Variants in MICU3 observed in about 807,000 individuals in gnomAD.
MICU3 encodes the protein calcium uptake protein 3, mitochondrial.
A neutral mutation model predicts 66.5 loss-of-function variants in MICU3; 62 were observed. The observed-to-expected ratio is 0.93, with a 90% CI of 0.76 to 1.15. The LOEUF (loss-of-function observed/expected upper bound fraction) is 1.15, where lower values mean the gene tolerates loss of function less well. Among genes scored for constraint, MICU3 ranks in the 50% most tolerant of loss-of-function variants. The pLI, the probability that MICU3 is intolerant of heterozygous loss-of-function variation, is 0.00. For missense variants in MICU3, 779 were observed against 664.4 expected, an observed-to-expected ratio of 1.17 and a Z score of -1.90; for synonymous variants, 308 against 240.7, an observed-to-expected ratio of 1.28 and a Z score of -2.59.
intron 1 of MICU3, among the ~76,000 whole-genome samples, chr8:17,046,395 A>T (rs188034787): frequency 6.6e-6 from 1 of 152,210 alleles, no homozygotes; most frequent in African/African-American, 2.4e-5. Context: ...GTCTGAGAGC[A>T]GAGGAAAAAC....
At chr8:17,134,031 C>A in the MICU3 span, 1 of 152,140 alleles carries the variant, frequency 6.6e-6, no homozygotes, top group East Asian at 1.9e-4. Context: ...CTGGCTTATC[C>A]TTTCAGATGA....
intron 6 of MICU3, among the ~76,000 whole-genome samples, chr8:17,086,545 G>A (rs1245981542): frequency 6.6e-6 from 1 of 152,038 alleles, no homozygotes; most frequent in African/African-American, 2.4e-5. Context: ...AATGGCCAAG[G>A]TTAGTGTTGC....
chr8:17,104,549 C>A (rs759387770), intron 10 of MICU3, 58 bp downstream of exon 10: 2 of 922,094 alleles, frequency 2.2e-6, no homozygotes, highest in Non-Finnish European at 3.1e-6. Flanking sequence ...TCAGAAGGAT[C>A]TTTAGAAATT....
At chr8:17,086,744 G>A (rs953522603) in intron 6 of MICU3, among the ~76,000 whole-genome samples, 1 of 151,992 alleles carries the variant, frequency 6.6e-6, no homozygotes, top group Non-Finnish European at 1.5e-5. Flanking sequence ...GTAAAACTGT[G>A]ACATTAAGTA....
At chr8:17,031,232 A>C (rs1811983335) in intron 1 of MICU3, among the ~76,000 whole-genome samples, 1 of 149,694 alleles carries the variant, frequency 6.7e-6, no homozygotes, top group South Asian at 2.1e-4. Context: ...AGAAAAAGAA[A>C]TTTTATTTTA....
At chr8:17,131,226 T>C in the MICU3 span, 5 of 152,248 alleles carry the variant, frequency 3.3e-5, no homozygotes, top group African/African-American at 1.2e-4. Context: ...GCAACCGTTA[T>C]GGCTAAGACT....
At chr8:17,089,642 C>G (rs1224691098) in intron 7 of MICU3, among the ~76,000 whole-genome samples, 1 of 152,026 alleles carries the variant, frequency 6.6e-6, no homozygotes, top group Non-Finnish European at 1.5e-5. Flanking sequence ...ATTAGCCCTG[C>G]CACTCATTAC....
intron 11 of MICU3, among the ~76,000 whole-genome samples, chr8:17,108,061 G>C (rs1035752310): frequency 3.3e-5 from 5 of 152,110 alleles, no homozygotes; most frequent in Non-Finnish European, 5.9e-5. Flanking sequence ...GATAGTACCT[G>C]TTCGTGGATA....
intron 1 of MICU3, among the ~76,000 whole-genome samples, chr8:17,040,060 A>G (rs1049752902): frequency 5.3e-5 from 8 of 151,950 alleles, no homozygotes; most frequent in African/African-American, 1.9e-4. Flanking sequence ...AGCATGCGCC[A>G]GCACGCCTGG....
Position 17,116,464 on chromosome 8 carries a change from A to G in MICU3, c.1388A>G (p.Tyr463Cys), listed in dbSNP as rs759671104. Residue 463 changes from tyrosine (Y) to cysteine (C), a missense_variant, in exon 13 of 15, where the codon TAT becomes TGT. Transcript: ENST00000318063. ...CTAGATGAATTTAAACGTGCCGTCT[A>G]TGTAGCTACTGGACTCAAATTTTCA... ...IGQDEFKRAV[Y>C]VATGLKFSPH... is the part of the protein sequence containing the mutation. The G allele has an allele frequency of 9.2e-6, 14 of 1,520,234 alleles. No homozygotes were observed. The highest frequency in any genetic ancestry group is 4.8e-5 in the Admixed American group (2 of 41,332). 94.2% of individuals were successfully genotyped at this position (1,520,234 alleles called of 1,614,324 possible).
intron 12 of MICU3, among the ~76,000 whole-genome samples, 167 bp from the exon 13 acceptor site, chr8:17,116,276 C>A (rs527717279): frequency 6.6e-6 from 1 of 152,154 alleles, no homozygotes; most frequent in African/African-American, 2.4e-5. Context: ...TCATTTAAAC[C>A]ACAAAAATGT....
the MICU3 span, among the ~76,000 whole-genome samples, chr8:17,130,709 C>T: frequency 2.5e-4 from 38 of 152,008 alleles, no homozygotes; most frequent in East Asian, 6.0e-3. Context: ...ACCCATAGAA[C>T]CGTAAGTGAG....
At chr8:17,097,976 T>A (rs915531031) in intron 8 of MICU3, among the ~76,000 whole-genome samples, 1 of 151,782 alleles carries the variant, frequency 6.6e-6, no homozygotes, top group Admixed American at 6.6e-5. Flanking sequence ...AAGTTTGGGA[T>A]GAATTTAAAC....
intron 5 of MICU3, among the ~76,000 whole-genome samples, chr8:17,084,995 T>A (rs1172409221): frequency 6.6e-6 from 1 of 152,122 alleles, no homozygotes; most frequent in Admixed American, 6.6e-5. Flanking sequence ...AGAAGTGCTT[T>A]AGGAAAGTAT....
intron 1 of MICU3, among the ~76,000 whole-genome samples, chr8:17,048,678 T>C (rs1784505308): frequency 6.6e-6 from 1 of 152,198 alleles, no homozygotes; most frequent in South Asian, 2.1e-4. Flanking sequence ...TATGGTGGTG[T>C]GATCACCCCT....
intron 1 of MICU3, among the ~76,000 whole-genome samples, chr8:17,043,480 G>T (rs1043328779): frequency 1.1e-4 from 16 of 152,164 alleles, no homozygotes; most frequent in Admixed American, 9.8e-4. Context: ...CTATCATCAA[G>T]CTTAAAAATA....
intron 3 of MICU3, among the ~76,000 whole-genome samples, chr8:17,074,296 A>G (rs984905365): frequency 2.0e-5 from 3 of 152,020 alleles, no homozygotes; most frequent in Non-Finnish European, 4.4e-5. Flanking sequence ...TTTATTTTCA[A>G]ATAAATTAAA....
At chr8:17,031,698 G>A (rs982144123) in intron 1 of MICU3, among the ~76,000 whole-genome samples, 1 of 152,152 alleles carries the variant, frequency 6.6e-6, no homozygotes, top group Non-Finnish European at 1.5e-5. Flanking sequence ...ATATGCTGCT[G>A]AGCATAAGCC....
At chr8:17,138,053 T>G in the MICU3 span, among the ~76,000 whole-genome samples, 2 of 151,938 alleles carry the variant, frequency 1.3e-5, no homozygotes, top group African/African-American at 4.8e-5. Flanking sequence ...TGGATTTTGA[T>G]TTTCTCAGAA....
Sources: gnomAD v4.1 joint callset for allele counts (sites outside exome capture counted in the v4.1 genomes callset) on GRCh38, gnomAD v4.1.1 for gene constraint, MANE v1.5 for transcripts, NCBI Gene and HGNC (gene_info 2026-07-23, HGNC 2026-07-21) for gene names.